Variants in RARB observed in about 807,000 individuals in gnomAD.
RARB encodes HBV-activated protein.
A neutral mutation model predicts 51.9 loss-of-function variants in RARB; 17 were observed. The observed-to-expected ratio is 0.33, with a 90% confidence interval of 0.22 to 0.49. The LOEUF (loss-of-function observed/expected upper bound fraction) is 0.49, where lower values mean the gene tolerates loss of function less well. Among genes scored for constraint, RARB ranks in the 20% least tolerant of loss-of-function variants. The pLI is 0.99. For missense variants in RARB, 369 were observed against 550.8 expected (o/e 0.67, Z 3.30); for synonymous variants, 215 against 195.4 (o/e 1.10, Z -0.84).
chr3:25,100,503 C>T (rs1040418117), intron 3 of RARB, among the ~76,000 whole-genome samples: 4 of 152,078 alleles, frequency 2.6e-5, no homozygotes, highest in African/African-American at 9.7e-5. Flanking sequence ...AATAATAGAG[C>T]CTGAAGTATA....
chr3:25,201,989 G>A (rs1360433249), intron 5 of RARB, among the ~76,000 whole-genome samples: 6 of 152,146 alleles, frequency 3.9e-5, no homozygotes, highest in Admixed American at 6.5e-5. Flanking sequence ...TCTATTGATT[G>A]GAATAGTTTC....
intron 2 of RARB, among the ~76,000 whole-genome samples, chr3:24,879,716 G>A (rs11711711): frequency 0.066 from 10,065 of 152,034 alleles, 528 homozygotes; most frequent in East Asian, 0.15. Context: ...GATCACCGTG[G>A]CAGAAGTTAA....
chr3:25,530,897 A>G (rs893863180), intron 3 of RARB, among the ~76,000 whole-genome samples: 20 of 152,326 alleles, frequency 1.3e-4, no homozygotes, highest in Admixed American at 4.6e-4. Context: ...GCATGTAGCA[A>G]ATGCCACTTC....
intron 5 of RARB, among the ~76,000 whole-genome samples, chr3:25,260,174 C>T (rs1197098892): frequency 6.6e-6 from 1 of 152,160 alleles, no homozygotes; most frequent in African/African-American, 2.4e-5. Context: ...TGGAATAGGG[C>T]ACCCTGGTTG....
intron 5 of RARB, among the ~76,000 whole-genome samples, chr3:25,356,727 A>G (rs1051282256): frequency 4.0e-5 from 6 of 151,898 alleles, no homozygotes; most frequent in African/African-American, 1.2e-4. Flanking sequence ...ATATGTTCTC[A>G]TTGTTCAACT....
chr3:24,879,195 C>T (rs573359005), intron 2 of RARB, among the ~76,000 whole-genome samples: 126 of 152,074 alleles, frequency 8.3e-4, no homozygotes, highest in Middle Eastern at 3.4e-3. Flanking sequence ...TTTGGGAGGC[C>T]GCGGCCGGCG....
At chr3:25,299,444 C>T (rs1003640316) in intron 5 of RARB, among the ~76,000 whole-genome samples, 14 of 152,096 alleles carry the variant, frequency 9.2e-5, no homozygotes, top group Non-Finnish European at 1.9e-4. Context: ...AAGCAATCCT[C>T]CCACCTTGGC....
At chr3:25,457,294 C>T (rs1281947432) in intron 1 of RARB, among the ~76,000 whole-genome samples, 1 of 152,142 alleles carries the variant, frequency 6.6e-6, no homozygotes, top group South Asian at 2.1e-4. Context: ...GGATTATGTA[C>T]TATCATTGCC....
At chr3:25,300,951 C>G (rs1559349511) in intron 5 of RARB, among the ~76,000 whole-genome samples, 2 of 152,134 alleles carry the variant, frequency 1.3e-5, no homozygotes, top group African/African-American at 2.4e-5. Context: ...GAGCCAAGAT[C>G]ACACCACTGC....
chr3:25,197,270 A>T (rs1430293770), intron 5 of RARB, among the ~76,000 whole-genome samples: 1 of 152,172 alleles, frequency 6.6e-6, no homozygotes, highest in Non-Finnish European at 1.5e-5. Context: ...ATCCAGTTTC[A>T]GCTTTCTGCA....
intron 4 of RARB, among the ~76,000 whole-genome samples, chr3:25,168,574 C>G (rs999946330): frequency 1.3e-5 from 2 of 151,812 alleles, no homozygotes; most frequent in Non-Finnish European, 2.9e-5. Context: ...ACGTGGCAGT[C>G]ATGACAAAGA....
In RARB at chr3:24,913,263, T is replaced by C. The variant is rs530569274; in HGVS notation, c.-380+54511T>C. On this transcript the variant is annotated intron_variant, in intron 2 of 11. Transcript: ENST00000383772. ...CCTCCCAAAGTGCTGGGATTACAGG[T>C]GTGAGCCACCGCGCCCAGCCGGTAC... 4.6e-3 allele frequency among the ~76,000 whole-genome samples: 699 copies of C among 152,020 alleles called. 4 individuals are homozygous for C. The highest frequency in any genetic ancestry group is 0.02 in the Middle Eastern group (6 of 294).
intron 2 of RARB, chr3:25,025,044 G>A (rs1697717717): frequency 6.6e-6 from 1 of 151,534 alleles, no homozygotes; most frequent in African/African-American, 2.4e-5. Context: ...AATCTCATCT[G>A]ATCTCAGAAG....
chr3:24,945,992 G>A (rs1479057622), intron 2 of RARB, among the ~76,000 whole-genome samples: 2 of 152,164 alleles, frequency 1.3e-5, no homozygotes, highest in African/African-American at 2.4e-5. Flanking sequence ...CTGGCCAGGC[G>A]CGGTGGCTCA....
intron 4 of RARB, among the ~76,000 whole-genome samples, chr3:25,575,250 T>A (rs1488664437): frequency 6.6e-6 from 1 of 152,178 alleles, no homozygotes; most frequent in Non-Finnish European, 1.5e-5. Context: ...TAACGCTCGC[T>A]CCTGGCCACT....
At chr3:24,887,410 C>A (rs973098639) in intron 2 of RARB, among the ~76,000 whole-genome samples, 2 of 152,166 alleles carry the variant, frequency 1.3e-5, no homozygotes, top group South Asian at 4.1e-4. Flanking sequence ...CATAAATGTG[C>A]CTGCTGAGGC....
At chr3:25,397,504 C>G (rs1707148517) in intron 5 of RARB, among the ~76,000 whole-genome samples, 1 of 152,210 alleles carries the variant, frequency 6.6e-6, no homozygotes, top group Admixed American at 6.5e-5. Flanking sequence ...GTGTGAGTCT[C>G]CACACACTGT....
At chr3:25,288,931 A>G (rs1340290831) in intron 5 of RARB, among the ~76,000 whole-genome samples, 1 of 152,088 alleles carries the variant, frequency 6.6e-6, no homozygotes, top group Non-Finnish European at 1.5e-5. Flanking sequence ...GACCTCTACT[A>G]TTTCCCAGCC....
intron 3 of RARB, among the ~76,000 whole-genome samples, chr3:25,101,624 T>C (rs1053779118): frequency 1.3e-5 from 2 of 151,940 alleles, no homozygotes; most frequent in Non-Finnish European, 2.9e-5. Flanking sequence ...TTTATTTAAC[T>C]ATCCTTTTAT....
Sources: allele counts gnomAD v4.1 joint callset (sites outside exome capture counted in the v4.1 genomes callset), GRCh38; gene constraint gnomAD v4.1.1; transcripts MANE v1.5; gene names NCBI Gene and HGNC (gene_info 2026-07-23, HGNC 2026-07-21).